Variants in ZNF536 observed in about 807,000 individuals in gnomAD.
ZNF536 encodes the protein zinc finger protein 536.
A neutral mutation model predicts 84.5 loss-of-function variants in ZNF536; 13 were observed. That is an observed-to-expected ratio of 0.15 (90% CI 0.10 to 0.24). The LOEUF (loss-of-function observed/expected upper bound fraction) is 0.24, where lower values mean the gene tolerates loss of function less well. ZNF536 is among the 10% of genes least tolerant of loss of function. The probability of loss-of-function intolerance (pLI) is 1.00; values close to 1 mark genes in which losing one functional copy is unlikely to be tolerated. For synonymous variants in ZNF536, 811 were observed against 742.5 expected, an observed-to-expected ratio of 1.09 and a Z score of -1.50; for missense variants, 1,536 against 1,747.5, an observed-to-expected ratio of 0.88 and a Z score of 2.16.
chr19:30,694,137 C>G (rs1655067107), intron 1 of ZNF536, among the ~76,000 whole-genome samples: 1 of 152,122 alleles, frequency 6.6e-6, no homozygotes, highest in African/African-American at 2.4e-5. Flanking sequence ...ATAGGTTGGC[C>G]CCTCCCCTTG....
chr19:30,525,512 C>T (rs2044538132), intron 2 of ZNF536, among the ~76,000 whole-genome samples: 1 of 152,200 alleles, frequency 6.6e-6, no homozygotes, highest in Non-Finnish European at 1.5e-5. Context: ...GGCCATAGTG[C>T]CTGGCCCCTG....
intron 1 of ZNF536, among the ~76,000 whole-genome samples, chr19:30,263,881 TACACAC>T (rs35687647): frequency 9.5e-5 from 14 of 148,116 alleles, no homozygotes; most frequent in Middle Eastern, 3.5e-3. Flanking sequence ...CACACACACA[TACACAC>T]ACACACACAC....
At chr19:30,663,485 A>G (rs2050197723) in intron 1 of ZNF536, among the ~76,000 whole-genome samples, 1 of 152,200 alleles carries the variant, frequency 6.6e-6, no homozygotes, top group South Asian at 2.1e-4. Context: ...CCTTCCAAAT[A>G]TTTACCTTAG....
At chr19:30,706,229 A>G (rs1255384602) in intron 1 of ZNF536, among the ~76,000 whole-genome samples, 1 of 152,226 alleles carries the variant, frequency 6.6e-6, no homozygotes, top group Admixed American at 6.5e-5. Flanking sequence ...TCACGCCTGT[A>G]ATCCCAGCAC....
chr19:30,347,139 T>C (rs1489369801), intron 2 of ZNF536, among the ~76,000 whole-genome samples: 1 of 150,570 alleles, frequency 6.6e-6, no homozygotes, highest in Non-Finnish European at 1.5e-5. Context: ...CTTGGCCGCA[T>C]GTATGCCTTC....
intron 2 of ZNF536, among the ~76,000 whole-genome samples, chr19:30,499,619 T>C (rs1297141812): frequency 3.3e-5 from 5 of 152,248 alleles, no homozygotes; most frequent in Non-Finnish European, 5.9e-5. Flanking sequence ...ATCCAAATTG[T>C]AGACTTTGCA....
intron 1 of ZNF536, among the ~76,000 whole-genome samples, chr19:30,428,898 G>A (rs560722482): frequency 4.6e-5 from 7 of 152,288 alleles, no homozygotes; most frequent in South Asian, 2.1e-4. Context: ...TTGGCTATGC[G>A]GTCCCTCCCT....
At chr19:30,517,861 G>T (rs1599663419) in intron 2 of ZNF536, among the ~76,000 whole-genome samples, 2 of 152,284 alleles carry the variant, frequency 1.3e-5, no homozygotes, top group East Asian at 1.9e-4. Flanking sequence ...TTAAACCTTT[G>T]CATCTCAATT....
Position 30,627,271 on chromosome 19 carries a change from G to A in ZNF536, c.169+77757G>A, listed in dbSNP as rs2048714556. Among the ~76,000 whole-genome samples, 6 of 151,890 alleles carry A rather than the reference G, an allele frequency of 4.0e-5. No individual in the cohort carries two copies. The South Asian group carries it at 1.3e-3, about 32-fold the overall frequency. On this transcript the variant is annotated intron_variant, in intron 1 of 1. Coordinates refer to the ZNF536 transcript ENST00000592773. ...ATCTGAGGTCAGGAGTTTGGAAATA[G>A]CTTGGGGAATGTAGGGAGACCCCAT...
At chr19:30,485,565 T>A (rs1441680554) in intron 2 of ZNF536, among the ~76,000 whole-genome samples, 1 of 152,058 alleles carries the variant, frequency 6.6e-6, no homozygotes, top group Non-Finnish European at 1.5e-5. Flanking sequence ...GAGCTTCTTG[T>A]TTCATTTCCT....
intron 2 of ZNF536, among the ~76,000 whole-genome samples, chr19:30,461,228 G>A (rs1248101580): frequency 6.6e-6 from 1 of 152,198 alleles, no homozygotes; most frequent in East Asian, 1.9e-4. Context: ...TGAGTTGTAA[G>A]GCTAGAAGTG....
At chr19:30,317,145 C>G (rs2046706312) in intron 2 of ZNF536, among the ~76,000 whole-genome samples, 1 of 152,210 alleles carries the variant, frequency 6.6e-6, no homozygotes, top group Non-Finnish European at 1.5e-5. Context: ...TAAACACCTA[C>G]AGCCACCCCA....
At chr19:30,349,167 CAACTT>C (rs1478353211) in intron 2 of ZNF536, among the ~76,000 whole-genome samples, 1 of 152,244 alleles carries the variant, frequency 6.6e-6, no homozygotes, top group Non-Finnish European at 1.5e-5. Context: ...TTTTCACACT[CAACTT>C]TACTTACTGC....
chr19:30,328,918 T>C (rs1461526490), intron 2 of ZNF536, among the ~76,000 whole-genome samples: 4 of 152,242 alleles, frequency 2.6e-5, no homozygotes, highest in African/African-American at 4.8e-5. Flanking sequence ...CTCACTTTTC[T>C]ACTCCTCCCT....
intron 1 of ZNF536, among the ~76,000 whole-genome samples, chr19:30,673,176 C>A (rs796587180): frequency 1.6e-4 from 24 of 152,288 alleles, no homozygotes; most frequent in Admixed American, 1.1e-3. Flanking sequence ...TGTTCCAGCC[C>A]GCCTAGGACC....
At chr19:30,470,470 GTTTT>G (rs34028638) in intron 2 of ZNF536, among the ~76,000 whole-genome samples, 6 of 143,172 alleles carry the variant, frequency 4.2e-5, no homozygotes, top group Non-Finnish European at 7.8e-5. Flanking sequence ...ATTACATTTA[GTTTT>G]TTTTTTTTTT....
chr19:30,250,104 C>CCACA (rs1491338890), intron 1 of ZNF536, among the ~76,000 whole-genome samples: 5 of 152,178 alleles, frequency 3.3e-5, no homozygotes, highest in Non-Finnish European at 7.4e-5. Flanking sequence ...TGTTGTGTGA[C>CCACA]TCTGATGTTT....
intron 1 of ZNF536, among the ~76,000 whole-genome samples, chr19:30,570,213 C>T (rs1333042506): frequency 6.6e-6 from 1 of 152,184 alleles, no homozygotes; most frequent in African/African-American, 2.4e-5. Flanking sequence ...CCATGCAGCT[C>T]ACACCACGGC....
intron 2 of ZNF536, among the ~76,000 whole-genome samples, chr19:30,490,124 A>T (rs532129305): frequency 6.6e-6 from 1 of 152,280 alleles, no homozygotes; most frequent in African/African-American, 2.4e-5. Context: ...CTGCAGAGAA[A>T]AGTGCACATG....
Sources: gnomAD v4.1 joint callset for allele counts (sites outside exome capture counted in the v4.1 genomes callset) on GRCh38, gnomAD v4.1.1 for gene constraint, MANE v1.5 for transcripts, NCBI Gene and HGNC (gene_info 2026-07-23, HGNC 2026-07-21) for gene names.